CACNA2D3: variants seen among roughly 807,000 people sequenced by gnomAD.
CACNA2D3 encodes the protein calcium voltage-gated channel auxiliary subunit alpha2delta 3.
A neutral mutation model predicts 160.6 loss-of-function variants in CACNA2D3; 60 were observed. The ratio of observed to expected loss-of-function variants is 0.37; its 90% CI spans 0.30 to 0.46. The LOEUF (loss-of-function observed/expected upper bound fraction) is 0.46. CACNA2D3 is among the 20% of genes least tolerant of loss of function. The pLI is 1.00. For synonymous variants in CACNA2D3, 558 were observed against 492.9 expected, an observed-to-expected ratio of 1.13 and a Z score of -1.75; for missense variants, 1,205 against 1,365.0, an observed-to-expected ratio of 0.88 and a Z score of 1.85.
chr3:54,326,927 A>G (rs1220600196), intron 3 of CACNA2D3, among the ~76,000 whole-genome samples: 1 of 152,164 alleles, frequency 6.6e-6, no homozygotes, highest in Non-Finnish European at 1.5e-5. Flanking sequence ...ATGTTGATGT[A>G]TCTTGTCTAT....
intron 4 of CACNA2D3, among the ~76,000 whole-genome samples, chr3:54,489,345 G>A (rs371008902): frequency 9.7e-4 from 148 of 152,284 alleles, no homozygotes; most frequent in South Asian, 5.4e-3. Context: ...GGCTTTCAGC[G>A]TTTCCCTCTG....
chr3:54,635,819 G>C (rs535618915), intron 10 of CACNA2D3, among the ~76,000 whole-genome samples: 27 of 151,982 alleles, frequency 1.8e-4, no homozygotes, highest in East Asian at 5.8e-4. Flanking sequence ...AGACTCATCT[G>C]TTATCAGACT....
chr3:54,416,098 C>T (rs894237321), intron 4 of CACNA2D3, among the ~76,000 whole-genome samples: 9 of 152,084 alleles, frequency 5.9e-5, no homozygotes, highest in Non-Finnish European at 1.0e-4. Flanking sequence ...ATACATAAGG[C>T]GAACAGTTTG....
intron 11 of CACNA2D3, among the ~76,000 whole-genome samples, chr3:54,714,899 C>A: frequency 6.6e-6 from 1 of 152,284 alleles, no homozygotes; most frequent in South Asian, 2.1e-4. Context: ...AACTCAGTTT[C>A]TCTTATAATA....
At chr3:54,553,170 G>T (rs1702187466) in intron 5 of CACNA2D3, among the ~76,000 whole-genome samples, 1 of 152,214 alleles carries the variant, frequency 6.6e-6, no homozygotes, top group Non-Finnish European at 1.5e-5. Context: ...TAGAGGAAGG[G>T]TAAATGTTTG....
At chr3:54,694,665 T>C (rs956333321) in intron 11 of CACNA2D3, among the ~76,000 whole-genome samples, 1 of 152,174 alleles carries the variant, frequency 6.6e-6, no homozygotes, top group Admixed American at 6.5e-5. Flanking sequence ...ACTTGAATTC[T>C]CAAGTAGCTC....
At chr3:54,233,018 T>C (rs1407483864) in intron 2 of CACNA2D3, among the ~76,000 whole-genome samples, 1 of 152,186 alleles carries the variant, frequency 6.6e-6, no homozygotes, top group Non-Finnish European at 1.5e-5. Flanking sequence ...AGGTGAATGC[T>C]CTGACAGTAC....
chr3:54,204,186 T>C (rs1029880084), intron 2 of CACNA2D3, among the ~76,000 whole-genome samples: 5 of 152,160 alleles, frequency 3.3e-5, no homozygotes, highest in African/African-American at 9.7e-5. Flanking sequence ...CACCAGCTTT[T>C]CTGGGTCTCT....
chr3:54,340,209 A>G lies in CACNA2D3; in HGVS notation c.321+19651A>G, dbSNP rs1025820153. On this transcript the variant is annotated intron_variant, in intron 3 of 37. Transcript: ENST00000474759. ...TAGTGTTCCCTACTCACAACATTTTATTATGAAAATATCCAGACATGCAAC... is the reference window on the plus strand; with the variant it reads ...TAGTGTTCCCTACTCACAACATTTTGTTATGAAAATATCCAGACATGCAAC... Among the ~76,000 whole-genome samples, 6 of 152,178 alleles carry G rather than the reference A, an allele frequency of 3.9e-5. 1 individual carries two copies. Among genetic ancestry groups the G allele is most frequent in the Non-Finnish European group, 2.9e-5 (2 of 68,030 alleles).
intron 3 of CACNA2D3, among the ~76,000 whole-genome samples, chr3:54,354,512 C>A (rs1353133574): frequency 6.6e-6 from 1 of 152,108 alleles, no homozygotes; most frequent in African/African-American, 2.4e-5. Context: ...AAATGAGGTT[C>A]TGGTGGTTTT....
chr3:54,657,106 TG>T (rs1699887882), intron 11 of CACNA2D3, among the ~76,000 whole-genome samples: 1 of 142,084 alleles, frequency 7.0e-6, no homozygotes, highest in South Asian at 2.3e-4. Context: ...GGGTACTCAG[TG>T]GGGGAGCTTT....
intron 11 of CACNA2D3, among the ~76,000 whole-genome samples, chr3:54,668,616 A>AG (rs1553775473): frequency 6.6e-6 from 1 of 152,176 alleles, no homozygotes; most frequent in Non-Finnish European, 1.5e-5. Context: ...AAATACATTC[A>AG]TCCATTCCTT....
chr3:54,223,318 T>C (rs1037024946), intron 2 of CACNA2D3, among the ~76,000 whole-genome samples: 1 of 152,212 alleles, frequency 6.6e-6, no homozygotes, highest in Non-Finnish European at 1.5e-5. Context: ...CGTTACTGTA[T>C]TGAATATTGT....
chr3:54,369,533 T>A (rs1698886890), intron 3 of CACNA2D3, among the ~76,000 whole-genome samples: 1 of 152,322 alleles, frequency 6.6e-6, no homozygotes, highest in Non-Finnish European at 1.5e-5. Context: ...TCACCTTTCC[T>A]CTGACTCCTC....
At chr3:54,503,345 T>C (rs7372750) in intron 4 of CACNA2D3, 147 bp from the exon 5 acceptor site, 85,562 of 632,334 alleles carry the variant, frequency 0.14, 6,310 homozygotes, top group Middle Eastern at 0.16. Flanking sequence ...AAAGCAGCCA[T>C]GGACAGTACA....
intron 27 of CACNA2D3, among the ~76,000 whole-genome samples, chr3:54,909,461 A>C (rs1181594145): frequency 6.6e-6 from 1 of 152,050 alleles, no homozygotes; most frequent in Non-Finnish European, 1.5e-5. Flanking sequence ...TAAAGGGCCC[A>C]CAGAGGATAG....
chr3:54,532,962 TA>T (rs1368136844), intron 5 of CACNA2D3, among the ~76,000 whole-genome samples: 1 of 152,212 alleles, frequency 6.6e-6, no homozygotes, highest in African/African-American at 2.4e-5. Flanking sequence ...CAGCATCTGT[TA>T]TTTTTTTGAC....
intron 11 of CACNA2D3, among the ~76,000 whole-genome samples, chr3:54,686,365 A>G (rs1316729037): frequency 6.6e-6 from 1 of 152,240 alleles, no homozygotes; most frequent in Non-Finnish European, 1.5e-5. Flanking sequence ...AGCACTTGTC[A>G]TTAAACTGCA....
At chr3:54,824,457 G>C (rs1703707405) in intron 14 of CACNA2D3, among the ~76,000 whole-genome samples, 1 of 152,172 alleles carries the variant, frequency 6.6e-6, no homozygotes, top group Admixed American at 6.5e-5. Context: ...TGCCCAACTT[G>C]CTATTTGGAG....
Sources: allele counts gnomAD v4.1 joint callset (sites outside exome capture counted in the v4.1 genomes callset), GRCh38; gene constraint gnomAD v4.1.1; transcripts MANE v1.5; gene names NCBI Gene and HGNC (gene_info 2026-07-23, HGNC 2026-07-21).